Variants in KCNQ1OT1 observed in about 807,000 individuals in gnomAD.
KCNQ1OT1 encodes the protein KCNQ1 antisense RNA 2 (non-protein coding).
rs1049883126 is a variant in KCNQ1OT1 at position 2,681,928 on chromosome 11, G to A, written n.18067C>T. On this transcript the variant is annotated non_coding_transcript_exon_variant, in exon 1 of 1. Coordinates refer to ENST00000597346, the Ensembl canonical transcript of KCNQ1OT1. Reference sequence around the variant, plus strand: ...ATAATGAACACACGTTTAGGCTGAAGAATAATCTTCAAATGATACTACTAC... The same window carrying A: ...ATAATGAACACACGTTTAGGCTGAAAAATAATCTTCAAATGATACTACTAC... 7 of 398,474 alleles carry A rather than the reference G, an allele frequency of 1.8e-5. No homozygotes were observed. In the East Asian group the frequency reaches 2.5e-4, roughly 14 times the overall value. 24.7% of individuals were successfully genotyped at this position (398,474 alleles called of 1,614,324 possible).
chr11:2,691,015 T>C lies in KCNQ1OT1; in HGVS notation n.8980A>G. The C allele has an allele frequency of 2.5e-6, 1 of 398,618 alleles. No individual in the cohort carries two copies. Among genetic ancestry groups the C allele is most frequent in the Non-Finnish European group, 4.4e-6 (1 of 226,066 alleles). 24.7% of individuals were successfully genotyped at this position (398,618 alleles called of 1,614,324 possible). ...CAATGAAGTGGGCAAAAGCTCTGGG[T>C]GAACTCTTGGCTCAGGTATCAGGAT... On this transcript the variant is annotated non_coding_transcript_exon_variant, in exon 1 of 1. Coordinates refer to ENST00000597346, the Ensembl canonical transcript of KCNQ1OT1. The surrounding 1 kb of genome is among the most constrained non-coding windows in gnomAD (Gnocchi z 6.4).
Position 2,687,773 on chromosome 11 carries a change from C to G in KCNQ1OT1, n.12222G>C. The G allele has an allele frequency of 2.5e-6, 1 of 398,740 alleles. No individual in the cohort carries two copies. Among genetic ancestry groups the G allele is most frequent in the Non-Finnish European group, 4.4e-6 (1 of 226,176 alleles). The allele number at this position is 398,740 out of a possible 1,614,324, so 24.7% of individuals were successfully genotyped here. On this transcript the variant is annotated non_coding_transcript_exon_variant, in exon 1 of 1. Transcript: ENST00000597346. This position sits in a 1 kb window ranked among gnomAD's most constrained non-coding sequence, Gnocchi z 5.0. ...CTGAGAAGAGGAGCCCCTTAGCAGG[C>G]CTAACCACACCCCTAAGCCACCCAG...
At chr11:2,615,807 T>G (rs1849052023) in exon 1 of KCNQ1OT1, 1 of 397,982 alleles carries the variant, frequency 2.5e-6, no homozygotes, top group South Asian at 1.3e-4. Context: ...AAATAAAAGA[T>G]TTTAGTATCT....
chr11:2,616,320 T>C, exon 1 of KCNQ1OT1: 1 of 397,948 alleles, frequency 2.5e-6, no homozygotes, highest in Non-Finnish European at 4.4e-6. Context: ...TTTTCAACTT[T>C]GATCTTTTCA....
chr11:2,685,855 C>T (rs1353181452), exon 1 of KCNQ1OT1: 11 of 398,632 alleles, frequency 2.8e-5, no homozygotes, highest in Non-Finnish European at 4.9e-5. Context: ...CCTCCTGCTT[C>T]ACCCAGGACT....
rs1850415979 is a variant in KCNQ1OT1, at chr11:2,682,501, AGT to A, written n.17492_17493del. ...GAGTGAGTGAGTGAGTGAGTGAGTG[AGT>A]GAGTACTTGTGCCCAGGTCAAACCA... On this transcript the variant is annotated non_coding_transcript_exon_variant, in exon 1 of 1. Coordinates refer to ENST00000597346, the Ensembl canonical transcript of KCNQ1OT1. The surrounding 1 kb of genome is among the most constrained non-coding windows in gnomAD (Gnocchi z 5.8). The A allele has an allele frequency of 1.0e-5, 4 of 398,360 alleles. No individual in the cohort carries two copies. The highest frequency in any genetic ancestry group is 4.4e-5 in the Admixed American group (1 of 22,686). The allele number at this position is 398,360 out of a possible 1,614,324, so 24.7% of individuals were successfully genotyped here. A position where few individuals can be genotyped will look rare whatever the true frequency, so the allele number is the denominator to read the frequency against.
At position 2,651,911 on chromosome 11, in the gene KCNQ1OT1, C is replaced by T. The variant is rs965294547; in HGVS notation, n.48084G>A. 3.0e-5 allele frequency: 12 copies of T among 398,602 alleles called. No individual in the cohort carries two copies. The highest frequency in any genetic ancestry group is 1.9e-4 in the African/African-American group (9 of 48,610). The allele number at this position is 398,602 out of a possible 1,614,324, so 24.7% of individuals were successfully genotyped here. ...TCATAGCCGAGGGTCCCTCTGGGGC[C>T]GCTTGCTCTCCTCCTACTCACAGCC... On this transcript the variant is annotated non_coding_transcript_exon_variant, in exon 1 of 1. Coordinates refer to ENST00000597346, the Ensembl canonical transcript of KCNQ1OT1. This position sits in a 1 kb window ranked among gnomAD's most constrained non-coding sequence, Gnocchi z 6.1.
At chr11:2,610,169 T>C (rs1057175068) in exon 1 of KCNQ1OT1, 2 of 397,974 alleles carry the variant, frequency 5.0e-6, no homozygotes, top group Non-Finnish European at 8.9e-6. Flanking sequence ...TCTTCAATAT[T>C]CTATTTGTTA....
chr11:2,658,304 A>G lies in KCNQ1OT1; in HGVS notation n.41691T>C. The G allele has an allele frequency of 2.5e-6, 1 of 398,516 alleles. No individual in the cohort carries two copies. 24.7% of individuals were successfully genotyped at this position (398,516 alleles called of 1,614,324 possible). A position where few individuals can be genotyped will look rare whatever the true frequency, so the allele number is the denominator to read the frequency against. On this transcript the variant is annotated non_coding_transcript_exon_variant, in exon 1 of 1. Coordinates refer to ENST00000597346, the Ensembl canonical transcript of KCNQ1OT1. The surrounding 1 kb of genome is among the most constrained non-coding windows in gnomAD (Gnocchi z 4.9). ...CATTTTTTATTTGGAATTCCTTTAT[A>G]AGGAAGATTTGTCCCTCTCCTCCAA...
In KCNQ1OT1 at chr11:2,682,897, C is replaced by T; in HGVS notation, n.17098G>A. ...CTTGGGGATAGCAGATGTTCCCAGA[C>T]AGAAAATGGTGGCACCTGGAGAGGT... is the stretch of plus-strand genomic sequence containing the variant. On this transcript the variant is annotated non_coding_transcript_exon_variant, in exon 1 of 1. Transcript: ENST00000597346. This position sits in a 1 kb window ranked among gnomAD's most constrained non-coding sequence, Gnocchi z 5.8. 2.5e-6 allele frequency: 1 copy of T among 398,602 alleles called. No individual in the cohort carries two copies. 24.7% of individuals were successfully genotyped at this position (398,602 alleles called of 1,614,324 possible).
At chr11:2,685,903 C>T (rs555916184) in exon 1 of KCNQ1OT1, 10 of 398,766 alleles carry the variant, frequency 2.5e-5, no homozygotes, top group Admixed American at 8.8e-5. Flanking sequence ...TTGTTCTCCA[C>T]GGATGAGCCT....
In KCNQ1OT1 at chr11:2,673,811, T is replaced by C. The variant is rs536721211; in HGVS notation, n.26184A>G. On this transcript the variant is annotated non_coding_transcript_exon_variant, in exon 1 of 1. Coordinates refer to ENST00000597346, the Ensembl canonical transcript of KCNQ1OT1. This position sits in a 1 kb window ranked among gnomAD's most constrained non-coding sequence, Gnocchi z 4.5. ...GCAAAGGGCAGTGATGGCCCTTCAA[T>C]CCCAGGCCCACAAGCACCACAGCCA... The C allele has an allele frequency of 2.7e-4, 107 of 398,506 alleles. No individual in the cohort carries two copies. The highest frequency in any genetic ancestry group is 3.9e-4 in the Non-Finnish European group (89 of 226,144). The allele number at this position is 398,506 out of a possible 1,614,324, so 24.7% of individuals were successfully genotyped here. A position where few individuals can be genotyped will look rare whatever the true frequency, so the allele number is the denominator to read the frequency against.
chr11:2,655,308 A>G (rs1334009395), exon 1 of KCNQ1OT1: 1 of 398,528 alleles, frequency 2.5e-6, no homozygotes, highest in African/African-American at 2.1e-5. Context: ...TTAGGCCCAG[A>G]TCCTGGCCTT....
chr11:2,627,827 T>C lies in KCNQ1OT1; in HGVS notation n.72168A>G, dbSNP rs117143634. 5,373 of 398,520 alleles carry C rather than the reference T, an allele frequency of 0.013. 159 individuals carry two copies. The highest frequency in any genetic ancestry group is 0.079 in the East Asian group (2,214 of 28,070). The allele number at this position is 398,520 out of a possible 1,614,324, so 24.7% of individuals were successfully genotyped here. A position where few individuals can be genotyped will look rare whatever the true frequency, so the allele number is the denominator to read the frequency against. On this transcript the variant is annotated non_coding_transcript_exon_variant, in exon 1 of 1. Transcript: ENST00000597346. This position sits in a 1 kb window ranked among gnomAD's most constrained non-coding sequence, Gnocchi z 4.9. ...GTACAGTGGCACAATCACAGTTCAC[T>C]GTAGCCTCAACCTCATGGGCTCAAG...
At position 2,670,594 on chromosome 11, in the gene KCNQ1OT1, C is replaced by T. The variant is rs2283184; in HGVS notation, n.29401G>A. Reference sequence around the variant, plus strand: ...ATAGGAGCAGAAGCCAGGGCTCATTCCCAGACACACAATCTCTGGGGGAGC... The same window carrying T: ...ATAGGAGCAGAAGCCAGGGCTCATTTCCAGACACACAATCTCTGGGGGAGC... On this transcript the variant is annotated non_coding_transcript_exon_variant, in exon 1 of 1. Coordinates refer to ENST00000597346, the Ensembl canonical transcript of KCNQ1OT1. The surrounding 1 kb of genome is among the most constrained non-coding windows in gnomAD (Gnocchi z 4.9). 5,617 of 398,262 alleles carry T rather than the reference C, an allele frequency of 0.014. 193 individuals carry two copies. The highest frequency in any genetic ancestry group is 0.095 in the East Asian group (2,659 of 28,058). The allele number at this position is 398,262 out of a possible 1,614,324, so 24.7% of individuals were successfully genotyped here. A position where few individuals can be genotyped will look rare whatever the true frequency, so the allele number is the denominator to read the frequency against.
chr11:2,696,492 C>G, exon 1 of KCNQ1OT1: 1 of 398,686 alleles, frequency 2.5e-6, no homozygotes, highest in Non-Finnish European at 4.4e-6. Flanking sequence ...GCCCTGGTAT[C>G]TGCCAGCAGA....
rs1394757125 is a variant in KCNQ1OT1, at chr11:2,673,960, C to A, written n.26035G>T. The A allele has an allele frequency of 1.3e-5, 5 of 383,658 alleles. No individual in the cohort carries two copies. Among genetic ancestry groups the A allele is most frequent in the Non-Finnish European group, 2.2e-5 (5 of 223,690 alleles). 23.8% of individuals were successfully genotyped at this position (383,658 alleles called of 1,614,324 possible). ...CTTTCCCCATGAGTGACAGCAGCCA[C>A]AAGGGGATGCCCAGCATTGGGGGTG... On this transcript the variant is annotated non_coding_transcript_exon_variant, in exon 1 of 1. Coordinates refer to ENST00000597346, the Ensembl canonical transcript of KCNQ1OT1. The surrounding 1 kb of genome is among the most constrained non-coding windows in gnomAD (Gnocchi z 4.5).
In KCNQ1OT1 at chr11:2,679,892, T is replaced by A. The variant is rs985630114; in HGVS notation, n.20103A>T. 2.0e-5 allele frequency: 8 copies of A among 398,078 alleles called. No homozygotes were observed. Among genetic ancestry groups the A allele is most frequent in the Non-Finnish European group, 3.5e-5 (8 of 226,042 alleles). 24.7% of individuals were successfully genotyped at this position (398,078 alleles called of 1,614,324 possible). On this transcript the variant is annotated non_coding_transcript_exon_variant, in exon 1 of 1. Transcript: ENST00000597346. The surrounding 1 kb of genome is among the most constrained non-coding windows in gnomAD (Gnocchi z 4.8). ...CTTAGAACTAGCACGCCTAATTTTT[T>A]TTTTATTTTTATTTTTTTTGAGGCA...
rs58335309 is a variant in KCNQ1OT1, at chr11:2,666,081, A to G, written n.33914T>C. Reference sequence around the variant, plus strand: ...GACAGGCCCATAAGCCCTGCAGCCTATGGCTCTGCCCAGCCCAGTCATGTG... The same window carrying G: ...GACAGGCCCATAAGCCCTGCAGCCTGTGGCTCTGCCCAGCCCAGTCATGTG... On this transcript the variant is annotated non_coding_transcript_exon_variant, in exon 1 of 1. Coordinates refer to ENST00000597346, the Ensembl canonical transcript of KCNQ1OT1. 6.4e-3 allele frequency: 2,546 copies of G among 398,614 alleles called. 52 individuals are homozygous for G. The highest frequency in any genetic ancestry group is 0.048 in the African/African-American group (2,348 of 48,702). 24.7% of individuals were successfully genotyped at this position (398,614 alleles called of 1,614,324 possible). A position where few individuals can be genotyped will look rare whatever the true frequency, so the allele number is the denominator to read the frequency against.
Sources: allele counts gnomAD v4.1 joint callset, GRCh38; gene constraint gnomAD v4.1.1; non-coding constraint Gnocchi (gnomAD v3.1); transcripts MANE v1.5; gene names NCBI Gene and HGNC (gene_info 2026-07-23, HGNC 2026-07-21).